The following CSMD1 variants were observed in gnomAD, a reference collection of about 807,000 sequenced individuals.
The protein encoded by CSMD1 is CUB and Sushi multiple domains 1.
Under a neutral mutation model 417.5 loss-of-function variants are expected in CSMD1, and 213 were observed. The ratio of observed to expected loss-of-function variants is 0.51; its 90% CI spans 0.46 to 0.57. The LOEUF (loss-of-function observed/expected upper bound fraction) is 0.57. CSMD1 is among the 20% of genes least tolerant of loss of function. The probability of loss-of-function intolerance (pLI) is 0.00; values close to 1 mark genes in which losing one functional copy is unlikely to be tolerated. For missense variants in CSMD1, 6,923 were observed against 4,529.7 expected, an observed-to-expected ratio of 1.53 and a Z score of -15.17; for synonymous variants, 2,862 against 1,736.8, an observed-to-expected ratio of 1.65 and a Z score of -16.11.
chr8:4,662,103 A>T (rs971651389), intron 1 of CSMD1, among the ~76,000 whole-genome samples: 2 of 152,206 alleles, frequency 1.3e-5, no homozygotes. Flanking sequence ...AAACACCACA[A>T]TTACACTTTT....
At chr8:4,075,713 G>A (rs1211126061) in intron 3 of CSMD1, among the ~76,000 whole-genome samples, 1 of 152,130 alleles carries the variant, frequency 6.6e-6, no homozygotes, top group East Asian at 1.9e-4. Flanking sequence ...AATTGTCAAT[G>A]TAGAAACGGT....
At chr8:4,621,152 T>A (rs1031960105) in intron 2 of CSMD1, among the ~76,000 whole-genome samples, 1 of 152,106 alleles carries the variant, frequency 6.6e-6, no homozygotes, top group African/African-American at 2.4e-5. Flanking sequence ...ATTTCTTTTT[T>A]CGAATTTTGG....
intron 3 of CSMD1, among the ~76,000 whole-genome samples, chr8:4,327,497 T>C (rs35520010): frequency 1.3e-5 from 2 of 152,228 alleles, no homozygotes; most frequent in East Asian, 3.9e-4. Context: ...TTCTCTGTGC[T>C]GAGTGCCTTT....
intron 37 of CSMD1, among the ~76,000 whole-genome samples, chr8:3,177,361 G>A (rs897225780): frequency 2.6e-5 from 4 of 152,294 alleles, no homozygotes; most frequent in East Asian, 1.9e-4. Context: ...GCTCTGTGAC[G>A]AGAAGGGCGT....
intron 7 of CSMD1, chr8:3,704,775 T>G (rs539047894): frequency 6.6e-6 from 1 of 152,360 alleles, no homozygotes; most frequent in African/African-American, 2.4e-5. Context: ...GCAAGTTTCC[T>G]GAGGCTGTCA....
chr8:3,178,625 A>G (rs970539602), intron 37 of CSMD1, among the ~76,000 whole-genome samples: 43 of 152,190 alleles, frequency 2.8e-4, no homozygotes, highest in Admixed American at 2.8e-3. Context: ...CTGTTTCTTC[A>G]GTTGGAAGAA....
At chr8:3,904,999 A>C (rs998582308) in intron 5 of CSMD1, among the ~76,000 whole-genome samples, 1 of 152,074 alleles carries the variant, frequency 6.6e-6, no homozygotes, top group African/African-American at 2.4e-5. Flanking sequence ...CCAAGTTACA[A>C]ATATAGAATA....
chr8:3,982,087 G>A (rs559318422), intron 5 of CSMD1, among the ~76,000 whole-genome samples: 3 of 151,704 alleles, frequency 2.0e-5, no homozygotes, highest in Admixed American at 1.3e-4. Context: ...GAACCTGGGA[G>A]GTGGAGGTTG....
At chr8:4,980,776 G>C (rs2977726) in intron 1 of CSMD1, among the ~76,000 whole-genome samples, 98,065 of 151,820 alleles carry the variant, frequency 0.65, 32,615 homozygotes, top group African/African-American at 0.77. Flanking sequence ...GTGGTGGCAT[G>C]GGTCTGTAGT....
chr8:4,168,301 G>A (rs991250293), intron 3 of CSMD1, among the ~76,000 whole-genome samples: 1 of 151,930 alleles, frequency 6.6e-6, no homozygotes, highest in African/African-American at 2.4e-5. Flanking sequence ...GGCTGAGGCA[G>A]AAAGGGCTCC....
At chr8:2,949,554 A>G (rs1300675991) in intron 67 of CSMD1, among the ~76,000 whole-genome samples, 168 bp from the exon 68 acceptor site, 2 of 152,106 alleles carry the variant, frequency 1.3e-5, no homozygotes, top group African/African-American at 4.8e-5. Context: ...ATAGTTAAAG[A>G]TCAGAAACCA....
At chr8:3,834,671 G>A (rs974392693) in intron 5 of CSMD1, among the ~76,000 whole-genome samples, 1 of 152,042 alleles carries the variant, frequency 6.6e-6, no homozygotes, top group Non-Finnish European at 1.5e-5. Flanking sequence ...GTGGTTTAGG[G>A]ATCCACAGAA....
chr8:3,540,707 T>A (rs569030474), intron 10 of CSMD1, among the ~76,000 whole-genome samples: 2 of 151,946 alleles, frequency 1.3e-5, no homozygotes, highest in Middle Eastern at 3.4e-3. Flanking sequence ...AACAATCCCA[T>A]TAAAAAGTGA....
chr8:3,980,127 A>G (rs1813738571), intron 5 of CSMD1, among the ~76,000 whole-genome samples: 2 of 133,614 alleles, frequency 1.5e-5, no homozygotes, highest in Admixed American at 7.0e-5. Flanking sequence ...AGGTTTTATC[A>G]TTGTATAGTG....
At chr8:3,166,016 A>T (rs935848712) in intron 37 of CSMD1, among the ~76,000 whole-genome samples, 4 of 152,170 alleles carry the variant, frequency 2.6e-5, no homozygotes, top group Non-Finnish European at 4.4e-5. Flanking sequence ...AGAAAAAATT[A>T]GACTATTTAT....
intron 25 of CSMD1, among the ~76,000 whole-genome samples, chr8:3,297,985 CAT>C (rs1804098053): frequency 6.6e-6 from 1 of 152,032 alleles, no homozygotes; most frequent in Non-Finnish European, 1.5e-5. Flanking sequence ...GGCCAATAAA[CAT>C]ATAAAAAAGT....
At chr8:4,627,644 C>G (rs1802196952) in intron 2 of CSMD1, among the ~76,000 whole-genome samples, 1 of 152,128 alleles carries the variant, frequency 6.6e-6, no homozygotes, top group Admixed American at 6.6e-5. Context: ...CCCAACATCA[C>G]CTCCCATTCC....
At chr8:3,522,032 G>C (rs1204797740) in intron 10 of CSMD1, among the ~76,000 whole-genome samples, 1 of 152,136 alleles carries the variant, frequency 6.6e-6, no homozygotes, top group Admixed American at 6.5e-5. Context: ...AATTACATTA[G>C]AGTATTGCCT....
At chr8:4,601,349 T>C (rs899665451) in intron 2 of CSMD1, among the ~76,000 whole-genome samples, 1 of 152,186 alleles carries the variant, frequency 6.6e-6, no homozygotes, top group Non-Finnish European at 1.5e-5. Context: ...GGTGGAGCTG[T>C]ACCAGGGCCT....
Sources: allele counts gnomAD v4.1 joint callset (sites outside exome capture counted in the v4.1 genomes callset), GRCh38; gene constraint gnomAD v4.1.1; transcripts MANE v1.5; gene names NCBI Gene and HGNC (gene_info 2026-07-23, HGNC 2026-07-21).